CAMK1D: variants seen among roughly 807,000 people sequenced by gnomAD.
CAMK1D encodes the protein calcium/calmodulin-dependent protein kinase type 1D.
In CAMK1D, 9 loss-of-function variants were observed where a neutral mutation model predicts 47.7. The observed-to-expected ratio is 0.19, with a 90% CI of 0.11 to 0.33. The LOEUF (loss-of-function observed/expected upper bound fraction) is 0.33, where lower values mean the gene tolerates loss of function less well. Ranked by LOEUF, CAMK1D falls within the 10% of genes least tolerant of loss-of-function variation. The pLI, the probability that CAMK1D is intolerant of heterozygous loss-of-function variation, is 1.00. For missense variants in CAMK1D, 291 were observed against 488.7 expected (o/e 0.60, Z 3.81); for synonymous variants, 184 against 184.9 (o/e 0.99, Z 0.04).
At chr10:12,659,113 A>G (rs1840200549) in intron 2 of CAMK1D, among the ~76,000 whole-genome samples, 1 of 152,124 alleles carries the variant, frequency 6.6e-6, no homozygotes, top group Non-Finnish European at 1.5e-5. Flanking sequence ...CTCCCCTAGG[A>G]TTATCAACAG....
At chr10:12,645,970 G>GTTTTTTTTTT (rs5783282) in intron 2 of CAMK1D, among the ~76,000 whole-genome samples, 1 of 136,874 alleles carries the variant, frequency 7.3e-6, no homozygotes, top group Admixed American at 7.3e-5. Context: ...ATGGCTAGTT[G>GTTTTTTTTTT]TTTTTTTTTT....
At chr10:12,719,612 G>C (rs912836715) in intron 3 of CAMK1D, among the ~76,000 whole-genome samples, 1 of 152,056 alleles carries the variant, frequency 6.6e-6, no homozygotes, top group African/African-American at 2.4e-5. Flanking sequence ...TTTAGGGTTA[G>C]AGCCACTTTG....
intron 1 of CAMK1D, among the ~76,000 whole-genome samples, chr10:12,406,034 TC>T (rs1198429244): frequency 6.6e-6 from 1 of 152,186 alleles, no homozygotes; most frequent in Admixed American, 6.5e-5. Flanking sequence ...ACTCAGCATT[TC>T]TTGTCGCGTG....
rs11289567 is a variant in CAMK1D at position 12,717,731 on chromosome 10, G to GAAAAAAAAAAAA, written c.300-43212_300-43201dup. ...AGAGGCTTTGTCTCTACAAAAAATTGAAAAAAAAAAAAAAAAGCTGGATGT... is the reference window on the plus strand; with the variant it reads ...AGAGGCTTTGTCTCTACAAAAAATTGAAAAAAAAAAAAAAAAAAAAAAAAAAAAGCTGGATGT... On this transcript the variant is annotated intron_variant, in intron 3 of 10. Coordinates refer to ENST00000619168, the MANE Select transcript of CAMK1D (RefSeq NM_153498.4). Among the ~76,000 whole-genome samples, 62 of 121,178 alleles carry GAAAAAAAAAAAA rather than the reference G, an allele frequency of 5.1e-4. 7 individuals are homozygous for GAAAAAAAAAAAA. Among genetic ancestry groups the GAAAAAAAAAAAA allele is most frequent in the African/African-American group, 2.0e-3 (58 of 28,706 alleles). 79.5% of individuals were successfully genotyped at this position (121,178 alleles called of 152,430 possible).
chr10:12,462,831 G>A (rs975117586), intron 1 of CAMK1D, among the ~76,000 whole-genome samples: 1 of 152,144 alleles, frequency 6.6e-6, no homozygotes, highest in Non-Finnish European at 1.5e-5. Context: ...GAGTAGCTGG[G>A]ACTACAGGCA....
chr10:12,798,599 G>A (rs988807877), intron 6 of CAMK1D, among the ~76,000 whole-genome samples: 1 of 152,164 alleles, frequency 6.6e-6, no homozygotes, highest in Admixed American at 6.5e-5. Flanking sequence ...CAGGCTGCGG[G>A]AAGAGCTCTG....
In CAMK1D at chr10:12,683,047, G is replaced by A. The variant is rs558819424; in HGVS notation, c.299+16237G>A. On this transcript the variant is annotated intron_variant, in intron 3 of 10. Coordinates refer to ENST00000619168, the MANE Select transcript of CAMK1D (RefSeq NM_153498.4). ...GGCGATTCTCCTGCCTCAGCCTCCC[G>A]AGTAGCTGGGATTACAGGTGCATGC... Among the ~76,000 whole-genome samples the A allele has an allele frequency of 9.3e-5, 14 of 151,246 alleles. No homozygotes were observed. In the East Asian group the frequency reaches 1.2e-3, roughly 13 times the overall value.
intron 3 of CAMK1D, among the ~76,000 whole-genome samples, chr10:12,740,837 G>T (rs1835395403): frequency 6.6e-6 from 1 of 152,154 alleles, no homozygotes; most frequent in Admixed American, 6.5e-5. Context: ...AACAAAAGCG[G>T]TCACTCACAT....
intron 1 of CAMK1D, among the ~76,000 whole-genome samples, chr10:12,359,476 A>G (rs1443865806): frequency 6.6e-6 from 1 of 151,372 alleles, no homozygotes; most frequent in Non-Finnish European, 1.5e-5. Context: ...GGAGTGACCT[A>G]GTTAGCTGTG....
Position 12,500,311 on chromosome 10 carries a change from G to A in CAMK1D, c.93-52914G>A, listed in dbSNP as rs139108949. Among the ~76,000 whole-genome samples the A allele has an allele frequency of 2.6e-4, 39 of 152,274 alleles. No individual in the cohort carries two copies. The East Asian group carries it at 7.5e-3, about 29-fold the overall frequency. On this transcript the variant is annotated intron_variant, in intron 1 of 10. Transcript: ENST00000619168. ...AAAAACAAAACCCACAAAAAACGCT[G>A]TCTGACTTCTTTCTTTGTCTCCTGG... is the stretch of plus-strand genomic sequence containing the variant.
At chr10:12,630,316 T>C (rs897756486) in intron 2 of CAMK1D, among the ~76,000 whole-genome samples, 2 of 148,740 alleles carry the variant, frequency 1.3e-5, no homozygotes, top group Non-Finnish European at 3.0e-5. Context: ...CCACCGCGTA[T>C]ATATTGTGAC....
At chr10:12,368,743 CAAA>C (rs566501661) in intron 1 of CAMK1D, among the ~76,000 whole-genome samples, 8 of 124,386 alleles carry the variant, frequency 6.4e-5, no homozygotes, top group African/African-American at 6.1e-5. Context: ...GACCCTGTCT[CAAA>C]AAAAAAAAAA....
At chr10:12,544,177 G>T (rs1195387259) in intron 1 of CAMK1D, among the ~76,000 whole-genome samples, 3 of 152,118 alleles carry the variant, frequency 2.0e-5, no homozygotes, top group African/African-American at 7.2e-5. Context: ...AAAACATTTA[G>T]CATTTCAAGA....
At chr10:12,676,870 A>G (rs958220023) in intron 3 of CAMK1D, among the ~76,000 whole-genome samples, 2 of 152,194 alleles carry the variant, frequency 1.3e-5, no homozygotes, top group Non-Finnish European at 2.9e-5. Context: ...GGGGGAGTAA[A>G]GTTTACTCAG....
intron 3 of CAMK1D, among the ~76,000 whole-genome samples, chr10:12,670,640 C>T (rs1025035130): frequency 1.3e-5 from 2 of 151,978 alleles, no homozygotes; most frequent in African/African-American, 2.4e-5. Context: ...CTCTGCCTCC[C>T]GGGTTCAAGC....
chr10:12,625,574 T>A (rs376259673), intron 2 of CAMK1D, among the ~76,000 whole-genome samples: 4 of 117,458 alleles, frequency 3.4e-5, no homozygotes, highest in East Asian at 2.4e-4. Flanking sequence ...CAAACAATCC[T>A]CTCGCCTCCG....
chr10:12,805,489 G>T (rs185488653), intron 6 of CAMK1D, among the ~76,000 whole-genome samples: 1 of 149,562 alleles, frequency 6.7e-6, no homozygotes, highest in East Asian at 2.1e-4. Context: ...TCCTTCCTCA[G>T]CCTCCCGAGT....
intron 6 of CAMK1D, among the ~76,000 whole-genome samples, chr10:12,797,012 C>T (rs1044183682): frequency 1.3e-5 from 2 of 152,100 alleles, no homozygotes; most frequent in Non-Finnish European, 2.9e-5. Flanking sequence ...GGAAATGCTC[C>T]GTGAGAAACC....
rs746079099 is a variant in CAMK1D, at chr10:12,828,908, C to T, written c.*21C>T. On this transcript the variant is annotated 3_prime_UTR_variant, in exon 11 of 11. Transcript: ENST00000619168. ...AGTGACTGGCCCTGGAGGTGGGGCC[C>T]GGGGTCGGGGCTGGGGAAGGGGAGC... is the stretch of plus-strand genomic sequence containing the variant. 2.8e-5 allele frequency: 42 copies of T among 1,518,610 alleles called. No individual in the cohort carries two copies. Among genetic ancestry groups the T allele is most frequent in the Middle Eastern group, 2.2e-4 (1 of 4,452 alleles). 94.1% of individuals were successfully genotyped at this position (1,518,610 alleles called of 1,614,324 possible).
Sources: allele counts gnomAD v4.1 joint callset (sites outside exome capture counted in the v4.1 genomes callset), GRCh38; gene constraint gnomAD v4.1.1; transcripts MANE v1.5; gene names NCBI Gene and HGNC (gene_info 2026-07-23, HGNC 2026-07-21).